Variants in SMURF2 observed in about 807,000 individuals in gnomAD.
SMURF2 encodes SMAD specific E3 ubiquitin protein ligase 2.
SMURF2 carries 48 observed loss-of-function variants against 109.6 expected under a neutral mutation model. The observed-to-expected ratio is 0.44, with a 90% CI of 0.35 to 0.56. The LOEUF (loss-of-function observed/expected upper bound fraction) is 0.56, where lower values mean the gene tolerates loss of function less well. Among genes scored for constraint, SMURF2 ranks in the 20% least tolerant of loss-of-function variants. The pLI is 0.01. For missense variants in SMURF2, 575 were observed against 909.0 expected, an observed-to-expected ratio of 0.63 and a Z score of 4.72; for synonymous variants, 288 against 317.1, an observed-to-expected ratio of 0.91 and a Z score of 0.97.
At position 64,598,634 on chromosome 17, in the gene SMURF2, A is replaced by T. The variant is rs189844569; in HGVS notation, c.92-144T>A. 2.7e-3 allele frequency: 1,413 copies of T among 519,816 alleles called. 1 individual carries two copies. The highest frequency in any genetic ancestry group is 3.9e-3 in the Admixed American group (92 of 23,530). 32.2% of individuals were successfully genotyped at this position (519,816 alleles called of 1,614,324 possible). The stretch of plus-strand genomic sequence containing the variant: ...GCTATAAATGAATAGTCCATTTTTT[A>T]AAAAAAAAGACTAAAGTTACTTCTA... On this transcript the variant is annotated intron_variant, in intron 2 of 18. Coordinates refer to ENST00000262435, the MANE Select transcript of SMURF2 (RefSeq NM_022739.4).
At chr17:64,613,169 C>T (rs1247649406) in intron 1 of SMURF2, among the ~76,000 whole-genome samples, 1 of 152,062 alleles carries the variant, frequency 6.6e-6, no homozygotes, top group Non-Finnish European at 1.5e-5. Flanking sequence ...TGGGAATGTA[C>T]CTTGGGGACT....
At chr17:64,654,012 T>C (rs1421457619) in intron 1 of SMURF2, among the ~76,000 whole-genome samples, 1 of 152,076 alleles carries the variant, frequency 6.6e-6, no homozygotes, top group Non-Finnish European at 1.5e-5. Context: ...CTCAAAATCC[T>C]AGAAAAGGCA....
At chr17:64,571,475 A>G (rs1337142126) in intron 10 of SMURF2, among the ~76,000 whole-genome samples, 1 of 152,148 alleles carries the variant, frequency 6.6e-6, no homozygotes, top group East Asian at 1.9e-4. Flanking sequence ...GTGTGATCAT[A>G]GTCCACTGCA....
At chr17:64,645,671 G>A (rs1970549933) in intron 1 of SMURF2, among the ~76,000 whole-genome samples, 1 of 152,274 alleles carries the variant, frequency 6.6e-6, no homozygotes, top group South Asian at 2.1e-4. Context: ...ACAGGGTATC[G>A]CTATGTTGCC....
intron 3 of SMURF2, chr17:64,593,850 A>G (rs1298072047): frequency 9.4e-5 from 20 of 211,828 alleles, no homozygotes; most frequent in African/African-American, 4.3e-4. Context: ...AATAACACTA[A>G]GGGAGTTTAT....
At chr17:64,567,668 T>TA (rs1260879680) in intron 10 of SMURF2, among the ~76,000 whole-genome samples, 2 of 152,272 alleles carry the variant, frequency 1.3e-5, no homozygotes, top group East Asian at 1.9e-4. Context: ...AATGAGCTGT[T>TA]AAAAAAATCT....
chr17:64,655,792 G>A (rs941791604), intron 1 of SMURF2, among the ~76,000 whole-genome samples: 32 of 152,124 alleles, frequency 2.1e-4, no homozygotes, highest in Non-Finnish European at 2.5e-4. Context: ...CTACTAGGGA[G>A]GTTGAGGCAG....
At chr17:64,596,688 G>A (rs566045240) in intron 3 of SMURF2, among the ~76,000 whole-genome samples, 9 of 151,612 alleles carry the variant, frequency 5.9e-5, no homozygotes, top group Non-Finnish European at 1.2e-4. Flanking sequence ...ACTGCGCAGT[G>A]GGTCTTAGAG....
At chr17:64,589,953 C>T (rs1969726742) in intron 5 of SMURF2, among the ~76,000 whole-genome samples, 1 of 151,922 alleles carries the variant, frequency 6.6e-6, no homozygotes, top group African/African-American at 2.4e-5. Context: ...ATAGATACTT[C>T]CCTGGGATAA....
chr17:64,640,618 C>T (rs782586324), intron 1 of SMURF2, among the ~76,000 whole-genome samples: 11 of 151,830 alleles, frequency 7.2e-5, no homozygotes, highest in South Asian at 2.1e-4. Context: ...GGATTATAGA[C>T]GGGTTAAAGA....
At chr17:64,580,513 G>A (rs191290263) in intron 8 of SMURF2, among the ~76,000 whole-genome samples, 34 of 152,096 alleles carry the variant, frequency 2.2e-4, no homozygotes, top group East Asian at 7.7e-4. Flanking sequence ...ACTTCATTTC[G>A]TATGCTTCTC....
intron 1 of SMURF2, among the ~76,000 whole-genome samples, chr17:64,633,637 T>C (rs1555691827): frequency 6.6e-6 from 1 of 152,202 alleles, no homozygotes; most frequent in Non-Finnish European, 1.5e-5. Flanking sequence ...TAACATGAAT[T>C]ATCTTACAAC....
At chr17:64,549,335 G>GT (rs1359524072) in intron 16 of SMURF2, among the ~76,000 whole-genome samples, 4 of 149,744 alleles carry the variant, frequency 2.7e-5, no homozygotes, top group Non-Finnish European at 5.9e-5. Flanking sequence ...TGTAGTACCA[G>GT]TTACTGGGGA....
At position 64,557,680 on chromosome 17, in the gene SMURF2, G is replaced by C. The variant is rs1555684149; in HGVS notation, c.1359C>G (p.Tyr453Ter). Reference sequence around the variant, plus strand: ...CTCTTGAATACTGGAAGAGGCCATAGTATGGATTCAACATTTCATGTGACA... The same window carrying C: ...CTCTTGAATACTGGAAGAGGCCATACTATGGATTCAACATTTCATGTGACA... ...YLLSHEMLNP[Y>*]YGLFQYSRDD... The change falls in exon 13 of 19, where the codon TAC (tyrosine) becomes TAG (stop). Residue 453 changes from tyrosine (Y) to a stop codon, truncating the protein, a stop_gained. Coordinates refer to ENST00000262435, the MANE Select transcript of SMURF2 (RefSeq NM_022739.4). LOFTEE classifies it high-confidence loss of function. 1 of 1,612,372 alleles carries C rather than the reference G, an allele frequency of 6.2e-7. No individual in the cohort carries two copies. Among genetic ancestry groups the C allele is most frequent in the Non-Finnish European group, 8.5e-7 (1 of 1,178,990 alleles).
chr17:64,637,372 C>T (rs1970431070), intron 1 of SMURF2, among the ~76,000 whole-genome samples: 3 of 152,054 alleles, frequency 2.0e-5, no homozygotes, highest in South Asian at 4.1e-4. Context: ...AACAACCACT[C>T]GTCTCGACCT....
chr17:64,650,354 T>TTTTTTG (rs1568210906), intron 1 of SMURF2, among the ~76,000 whole-genome samples: 4 of 142,990 alleles, frequency 2.8e-5, no homozygotes, highest in African/African-American at 5.8e-5. Context: ...TTTGTTTTTT[T>TTTTTTG]TTTTGGTATT....
chr17:64,546,144 TATC>T, intron 18 of SMURF2, 116 bp downstream of exon 18: 2 of 1,058,482 alleles, frequency 1.9e-6, no homozygotes, highest in Non-Finnish European at 2.8e-6. Flanking sequence ...TTAAGTTGCT[TATC>T]ATTCCCTTTA....
chr17:64,561,443 G>A (rs1969216422), intron 12 of SMURF2, 57 bp downstream of exon 12: 2 of 1,166,680 alleles, frequency 1.7e-6, no homozygotes, highest in Admixed American at 3.9e-5. Flanking sequence ...ACAGGAAGTA[G>A]CTTAAATTTG....
At chr17:64,642,003 C>T (rs944239800) in intron 1 of SMURF2, among the ~76,000 whole-genome samples, 1 of 152,180 alleles carries the variant, frequency 6.6e-6, no homozygotes, top group Non-Finnish European at 1.5e-5. Flanking sequence ...AACAGGGTTT[C>T]ACCATGTTGC....
Sources: gnomAD v4.1 joint callset for allele counts (sites outside exome capture counted in the v4.1 genomes callset) on GRCh38, gnomAD v4.1.1 for gene constraint, MANE v1.5 for transcripts, NCBI Gene and HGNC (gene_info 2026-07-23, HGNC 2026-07-21) for gene names.